The following CHST9 variants were observed in gnomAD, a reference collection of about 807,000 sequenced individuals.
CHST9 encodes GalNAc-4-sulfotransferase 2.
A neutral mutation model predicts 44.4 loss-of-function variants in CHST9; 41 were observed. The ratio of observed to expected loss-of-function variants is 0.92; its 90% confidence interval spans 0.72 to 1.20. The LOEUF (loss-of-function observed/expected upper bound fraction) is 1.20, where lower values mean the gene tolerates loss of function less well. Ranked by LOEUF, CHST9 falls within the 50% of genes most tolerant of loss-of-function variation. CHST9 has a pLI of 0.00. For synonymous variants in CHST9, 171 were observed against 178.4 expected (o/e 0.96, Z 0.33); for missense variants, 504 against 516.5 (o/e 0.98, Z 0.23).
intron 5 of CHST9, among the ~76,000 whole-genome samples, chr18:26,921,680 T>A (rs1253578285): frequency 6.6e-6 from 1 of 152,152 alleles, no homozygotes; most frequent in African/African-American, 2.4e-5. Flanking sequence ...CCCATCATCA[T>A]CATCATCATC....
intron 2 of CHST9, among the ~76,000 whole-genome samples, chr18:27,126,889 T>C (rs986081695): frequency 6.6e-6 from 1 of 151,974 alleles, no homozygotes; most frequent in Non-Finnish European, 1.5e-5. Flanking sequence ...GCAGTAGTAA[T>C]GGGATAGAGA....
intron 2 of CHST9, among the ~76,000 whole-genome samples, chr18:27,070,039 T>G (rs2057822298): frequency 6.6e-6 from 1 of 152,204 alleles, no homozygotes; most frequent in African/African-American, 2.4e-5. Flanking sequence ...AATTGGTATT[T>G]AAATCACCCT....
intron 2 of CHST9, among the ~76,000 whole-genome samples, chr18:27,064,175 A>T (rs1410106907): frequency 6.6e-6 from 1 of 152,124 alleles, no homozygotes; most frequent in Non-Finnish European, 1.5e-5. Flanking sequence ...ACCCTGGGCA[A>T]GTGATAATAG....
chr18:27,061,083 G>T (rs970645011), intron 2 of CHST9, among the ~76,000 whole-genome samples: 6 of 152,146 alleles, frequency 3.9e-5, no homozygotes, highest in Non-Finnish European at 8.8e-5. Flanking sequence ...CTTGAGGAGA[G>T]TAAAGATCAC....
intron 2 of CHST9, among the ~76,000 whole-genome samples, chr18:27,093,611 A>T (rs772176694): frequency 6.6e-6 from 1 of 152,184 alleles, no homozygotes; most frequent in East Asian, 1.9e-4. Flanking sequence ...AAAGCACAGT[A>T]TTTGGGCAAG....
intron 3 of CHST9, among the ~76,000 whole-genome samples, chr18:27,033,513 TA>T (rs1446769578): frequency 6.6e-6 from 1 of 152,236 alleles, no homozygotes; most frequent in Non-Finnish European, 1.5e-5. Context: ...CTACTTCTGA[TA>T]AAATGATGCA....
At chr18:27,052,208 G>A (rs1232314613) in intron 2 of CHST9, among the ~76,000 whole-genome samples, 2 of 151,438 alleles carry the variant, frequency 1.3e-5, no homozygotes, top group Non-Finnish European at 2.9e-5. Flanking sequence ...AATCTACTTA[G>A]ATTTCTTAGT....
chr18:27,109,939 G>A (rs147150617), intron 2 of CHST9, among the ~76,000 whole-genome samples: 5 of 152,056 alleles, frequency 3.3e-5, no homozygotes, highest in African/African-American at 9.7e-5. Flanking sequence ...GGAAGCTCTC[G>A]GATGAGCACA....
chr18:26,933,940 C>A (rs2055928761), intron 5 of CHST9, among the ~76,000 whole-genome samples: 1 of 152,144 alleles, frequency 6.6e-6, no homozygotes, highest in African/African-American at 2.4e-5. Flanking sequence ...GCTACTAGGG[C>A]TGAGATCTTA....
intron 2 of CHST9, among the ~76,000 whole-genome samples, chr18:27,113,643 G>A (rs2058294384): frequency 6.6e-6 from 1 of 152,090 alleles, no homozygotes; most frequent in African/African-American, 2.4e-5. Context: ...ACAGCAAGAA[G>A]GTGCCATCTC....
At position 26,917,004 on chromosome 18, in the gene CHST9, T is replaced by G; in HGVS notation, c.587A>C (p.Gln196Pro). ...CKKYGGVSHH[Q>P]SHLFHTVSRI... ...GGATACTGTATGAAAAAGATGTGAC[T>G]GATGATGACTCACCCCACCGTATTT... The change falls in exon 6 of 6, where the codon CAG becomes CCG. Residue 196 changes from glutamine (Q) to proline (P), a missense_variant. Coordinates refer to ENST00000618847, the MANE Select transcript of CHST9 (RefSeq NM_031422.6). The G allele has an allele frequency of 6.2e-7, 1 of 1,613,948 alleles. No homozygotes were observed. The highest frequency in any genetic ancestry group is 8.5e-7 in the Non-Finnish European group (1 of 1,179,876).
intron 2 of CHST9, among the ~76,000 whole-genome samples, chr18:27,059,772 G>A (rs1283594385): frequency 1.3e-5 from 2 of 152,092 alleles, no homozygotes; most frequent in African/African-American, 4.8e-5. Context: ...TTTTAATCCC[G>A]CTAGCCCCAA....
At chr18:27,045,440 G>T (rs1161412214) in intron 3 of CHST9, among the ~76,000 whole-genome samples, 1 of 151,912 alleles carries the variant, frequency 6.6e-6, no homozygotes, top group Non-Finnish European at 1.5e-5. Context: ...TGAGATAAAG[G>T]TACTTCAAAC....
intron 4 of CHST9, among the ~76,000 whole-genome samples, chr18:26,996,860 A>G (rs867496247): frequency 3.3e-5 from 5 of 152,304 alleles, no homozygotes; most frequent in Middle Eastern, 3.4e-3. Context: ...ATTTGACTCT[A>G]TGCTGCTTGT....
At chr18:27,082,047 A>G (rs1345399037) in intron 2 of CHST9, among the ~76,000 whole-genome samples, 1 of 152,232 alleles carries the variant, frequency 6.6e-6, no homozygotes, top group African/African-American at 2.4e-5. Flanking sequence ...GGTACCTAAG[A>G]TACTAGAAAT....
At chr18:27,148,685 CTT>C (rs2058635360) in intron 1 of CHST9, among the ~76,000 whole-genome samples, 1 of 149,182 alleles carries the variant, frequency 6.7e-6, no homozygotes, top group Non-Finnish European at 1.5e-5. Context: ...GGTTCCAAGT[CTT>C]TGCTATTGTG....
intron 1 of CHST9, among the ~76,000 whole-genome samples, chr18:27,144,166 G>T (rs763198062): frequency 7.2e-5 from 11 of 152,078 alleles, no homozygotes; most frequent in Admixed American, 2.6e-4. Flanking sequence ...CTCTGGGTGA[G>T]CCGAATAAAT....
chr18:27,088,389 C>CTTT (rs35189657), intron 2 of CHST9, among the ~76,000 whole-genome samples: 8,832 of 137,078 alleles, frequency 0.064, 318 homozygotes, highest in South Asian at 0.13. Context: ...ATTATTAACA[C>CTTT]TTTTTTTTTT....
intron 4 of CHST9, among the ~76,000 whole-genome samples, chr18:26,969,971 T>G (rs1452883181): frequency 6.6e-6 from 1 of 152,212 alleles, no homozygotes; most frequent in Non-Finnish European, 1.5e-5. Flanking sequence ...ACCCTGAAAT[T>G]TTGGGGCCAT....
Sources: allele counts gnomAD v4.1 joint callset (sites outside exome capture counted in the v4.1 genomes callset), GRCh38; gene constraint gnomAD v4.1.1; transcripts MANE v1.5; gene names NCBI Gene and HGNC (gene_info 2026-07-23, HGNC 2026-07-21).